Variants in CLTC observed in about 807,000 individuals in gnomAD.
The protein encoded by CLTC is clathrin heavy chain 1.
Under a neutral mutation model 195.8 loss-of-function variants are expected in CLTC, and 16 were observed. That is an observed-to-expected ratio of 0.08 (90% CI 0.06 to 0.12). The LOEUF (loss-of-function observed/expected upper bound fraction) is 0.12, where lower values mean the gene tolerates loss of function less well. Among genes scored for constraint, CLTC ranks in the 10% least tolerant of loss-of-function variants. The pLI is 1.00. For missense variants in CLTC, 796 were observed against 2,027.0 expected (o/e 0.39, Z 11.66); for synonymous variants, 667 against 689.4 (o/e 0.97, Z 0.51).
chr17:59,633,883 C>T (rs1392064579), intron 1 of CLTC, among the ~76,000 whole-genome samples: 1 of 152,138 alleles, frequency 6.6e-6, no homozygotes, highest in African/African-American at 2.4e-5. Context: ...TCATTTATAA[C>T]ATCCTTTATG....
intron 14 of CLTC, among the ~76,000 whole-genome samples, chr17:59,672,534 G>A (rs562946481): frequency 7.6e-4 from 116 of 152,220 alleles, no homozygotes; most frequent in African/African-American, 2.7e-3. Context: ...AGAAATGATC[G>A]TAACAGCTAT....
chr17:59,674,642 A>T, intron 15 of CLTC, 59 bp from the exon 16 acceptor site: 1 of 1,464,346 alleles, frequency 6.8e-7, no homozygotes, highest in East Asian at 2.4e-5. Flanking sequence ...ATGCTTTTTT[A>T]AAATTCCTCT....
chr17:59,686,826 G>A (rs533517896), intron 30 of CLTC, among the ~76,000 whole-genome samples: 1 of 152,210 alleles, frequency 6.6e-6, no homozygotes, highest in African/African-American at 2.4e-5. Flanking sequence ...ATTAAGCTTT[G>A]AAGTTACACA....
At position 59,683,532 on chromosome 17, in the gene CLTC, C is replaced by T. The variant is rs1260017081; in HGVS notation, c.4187C>T (p.Thr1396Ile). 6.2e-7 allele frequency: 1 copy of T among 1,613,496 alleles called. No individual in the cohort carries two copies. The highest frequency in any genetic ancestry group is 8.5e-7 in the Non-Finnish European group (1 of 1,179,796). The change falls in exon 26 of 32, where the codon ACC becomes ATC. Residue 1396 changes from threonine (T) to isoleucine (I), a missense_variant. Around this residue, in one of 9 missense-constraint regions of CLTC, gnomAD observed 102 missense variants for 317.6 expected, o/e 0.32. Coordinates refer to ENST00000269122, the MANE Select transcript of CLTC (RefSeq NM_004859.4). The surrounding 1 kb of genome is among the most constrained non-coding windows in gnomAD (Gnocchi z 6.1). Reference protein sequence around the residue: ...WKEGQFKDIITKVANVELYYR... With the variant: ...WKEGQFKDIIIKVANVELYYR... ...GAAGGGCAATTCAAAGATATCATTA[C>T]CAAGGTGTGTACTTTCTTCAGAAGA...
At chr17:59,652,884 C>G (rs961744994) in intron 5 of CLTC, among the ~76,000 whole-genome samples, 1 of 152,204 alleles carries the variant, frequency 6.6e-6, no homozygotes, top group East Asian at 1.9e-4. Context: ...TAGAGAAAAT[C>G]TGTTGTTTAG....
intron 2 of CLTC, among the ~76,000 whole-genome samples, 185 bp downstream of exon 2, chr17:59,644,668 A>G (rs1444066417): frequency 6.6e-6 from 1 of 151,918 alleles, no homozygotes; most frequent in African/African-American, 2.4e-5. Flanking sequence ...CTCTTGCCTC[A>G]GCCTCCCGAG....
chr17:59,631,708 C>T (rs867771820), intron 1 of CLTC, among the ~76,000 whole-genome samples: 1 of 152,160 alleles, frequency 6.6e-6, no homozygotes, highest in Middle Eastern at 3.2e-3. Flanking sequence ...CAGTGGCTCA[C>T]GCCTGTAACC....
At position 59,619,948 on chromosome 17, in the gene CLTC, C is replaced by T. The variant is rs1259135237; in HGVS notation, c.-184C>T. 8 of 594,196 alleles carry T rather than the reference C, an allele frequency of 1.3e-5. No homozygotes were observed. Among genetic ancestry groups the T allele is most frequent in the East Asian group, 5.6e-5 (2 of 35,694 alleles). 36.8% of individuals were successfully genotyped at this position (594,196 alleles called of 1,614,324 possible). On this transcript the variant is annotated 5_prime_UTR_variant, in exon 1 of 32. Coordinates refer to ENST00000269122, the MANE Select transcript of CLTC (RefSeq NM_004859.4). ...GGTTCCGCCATTGCGGCTCTCCTGGCCCCTGGAGCCTCCGCCCCCGACCCG... is the reference window on the plus strand; with the variant it reads ...GGTTCCGCCATTGCGGCTCTCCTGGTCCCTGGAGCCTCCGCCCCCGACCCG...
Position 59,682,785 on chromosome 17 carries a change from T to C in CLTC, c.3757T>C (p.Trp1253Arg). 1 of 1,613,640 alleles carries C rather than the reference T, an allele frequency of 6.2e-7. No homozygotes were observed. The change falls in exon 23 of 32, where the codon TGG becomes CGG. Residue 1253 changes from tryptophan (W) to arginine (R), a missense_variant. Trp to Arg is a moderately radical substitution (Grantham distance 101). Around this residue, in one of 9 missense-constraint regions of CLTC, gnomAD observed 102 missense variants for 317.6 expected, o/e 0.32. Transcript: ENST00000269122. The surrounding 1 kb of genome is among the most constrained non-coding windows in gnomAD (Gnocchi z 6.8). ...GARKANSTRT[W>R]KEVCFACVDG... ...TAGGAAAGCTAACAGTACTCGAACATGGAAAGAGGTAATCTAAACCCAAGT... is the reference window on the plus strand; with the variant it reads ...TAGGAAAGCTAACAGTACTCGAACACGGAAAGAGGTAATCTAAACCCAAGT...
chr17:59,647,288 C>T (rs1424143404), intron 2 of CLTC, 110 bp from the exon 3 acceptor site: 13 of 794,922 alleles, frequency 1.6e-5, no homozygotes, highest in Middle Eastern at 3.8e-4. Flanking sequence ...CGATGCAACT[C>T]GTCTCGTAAT....
In CLTC at chr17:59,648,600, G is replaced by A. The variant is rs2032252465; in HGVS notation, c.681+199G>A. ...ATAATGTTCTTTCACAACTCGTTCT[G>A]TTGGCTGTTTATATTCTTTGATTGC... On this transcript the variant is annotated intron_variant, in intron 4 of 31. Transcript: ENST00000269122. The surrounding 1 kb of genome is among the most constrained non-coding windows in gnomAD (Gnocchi z 4.5). 1 of 536,576 alleles carries A rather than the reference G, an allele frequency of 1.9e-6. No individual in the cohort carries two copies. Among genetic ancestry groups the A allele is most frequent in the South Asian group, 2.7e-5 (1 of 37,238 alleles). The allele number at this position is 536,576 out of a possible 1,614,324, so 33.2% of individuals were successfully genotyped here. A position where few individuals can be genotyped will look rare whatever the true frequency, so the allele number is the denominator to read the frequency against.
At chr17:59,667,026 G>GAA (rs1423985329) in intron 13 of CLTC, 49 bp downstream of exon 13, 8 of 1,460,372 alleles carry the variant, frequency 5.5e-6, no homozygotes, top group Non-Finnish European at 7.6e-6. Context: ...AGGTAGCCAA[G>GAA]AAGAGGTATG....
intron 5 of CLTC, among the ~76,000 whole-genome samples, chr17:59,654,567 G>A (rs1450078912): frequency 4.0e-5 from 6 of 151,684 alleles, no homozygotes; most frequent in East Asian, 1.9e-4. Flanking sequence ...TGCAACCTCC[G>A]CCTCCGGGGT....
chr17:59,651,055 A>T (rs2143514554), intron 4 of CLTC, 148 bp from the exon 5 acceptor site: 1 of 519,974 alleles, frequency 1.9e-6, no homozygotes, highest in East Asian at 3.0e-5. Context: ...ATTACCAAGT[A>T]TTCCATGGTA....
intron 14 of CLTC, among the ~76,000 whole-genome samples, chr17:59,673,281 T>C (rs1015459388): frequency 1.3e-5 from 2 of 152,184 alleles, no homozygotes; most frequent in Non-Finnish European, 2.9e-5. Flanking sequence ...TTTGACAATG[T>C]GACTATAGTT....
intron 2 of CLTC, chr17:59,645,969 T>C: frequency 6.9e-6 from 5 of 722,208 alleles, no homozygotes; most frequent in Non-Finnish European, 8.5e-6. Context: ...CTATTTTTAA[T>C]GTTATTGTTA....
At position 59,651,856 on chromosome 17, in the gene CLTC, A is replaced by G. The variant is rs191830838; in HGVS notation, c.795+540A>G. On this transcript the variant is annotated intron_variant, in intron 5 of 31. Coordinates refer to ENST00000269122, the MANE Select transcript of CLTC (RefSeq NM_004859.4). ...GACAGCAAAGAAGTTTGCTGCATCAATTGACTCTTTCACAAAAGATTTCTC... is the reference window on the plus strand; with the variant it reads ...GACAGCAAAGAAGTTTGCTGCATCAGTTGACTCTTTCACAAAAGATTTCTC... Among the ~76,000 whole-genome samples the G allele has an allele frequency of 5.3e-5, 8 of 152,316 alleles. 1 individual carries two copies. The highest frequency in any genetic ancestry group is 1.3e-4 in the Admixed American group (2 of 15,306).
rs1009239622 is a variant in CLTC, at chr17:59,685,002, T to C, written c.4435-54T>C. ...AGGGGCTCATTGATTGAGAACGGAA[T>C]ATAATGTTAAACAAAATACTGATCT... is the stretch of plus-strand genomic sequence containing the variant. On this transcript the variant is annotated intron_variant, in intron 28 of 31. Coordinates refer to ENST00000269122, the MANE Select transcript of CLTC (RefSeq NM_004859.4). This position sits in a 1 kb window ranked among gnomAD's most constrained non-coding sequence, Gnocchi z 5.0. 3 of 1,405,754 alleles carry C rather than the reference T, an allele frequency of 2.1e-6. No homozygotes were observed. The African/African-American group carries it at 4.3e-5, about 20-fold the overall frequency. The allele number at this position is 1,405,754 out of a possible 1,614,324, so 87.1% of individuals were successfully genotyped here.
At position 59,629,083 on chromosome 17, in the gene CLTC, CTT is replaced by C. The variant is rs373173639; in HGVS notation, c.42+8912_42+8913del. Among the ~76,000 whole-genome samples, 798 of 152,136 alleles carry C rather than the reference CTT, an allele frequency of 5.2e-3. 10 individuals are homozygous for C. The highest frequency in any genetic ancestry group is 0.019 in the African/African-American group (771 of 41,510). ...TATGCTCTGCTTGGCAAACAGCTGA[CTT>C]TGGATAGATCTCATTATTTAAAGAT... is the stretch of plus-strand genomic sequence containing the variant. On this transcript the variant is annotated intron_variant, in intron 1 of 31. Coordinates refer to ENST00000269122, the MANE Select transcript of CLTC (RefSeq NM_004859.4).
Sources: gnomAD v4.1 joint callset for allele counts (sites outside exome capture counted in the v4.1 genomes callset) on GRCh38, gnomAD v4.1.1 for gene constraint, gnomAD v4.1.1 regional missense constraint, Gnocchi (gnomAD v3.1) non-coding constraint, MANE v1.5 for transcripts, NCBI Gene and HGNC (gene_info 2026-07-23, HGNC 2026-07-21) for gene names.